NT5M: variants seen among roughly 807,000 people sequenced by gnomAD.
NT5M encodes the protein 5'(3')-deoxyribonucleotidase, mitochondrial.
In NT5M, 22 loss-of-function variants were observed where a neutral mutation model predicts 22.2. That is an observed-to-expected ratio of 0.99 (90% CI 0.71 to 1.41). The LOEUF (loss-of-function observed/expected upper bound fraction) is 1.41. Ranked by LOEUF, NT5M falls within the 40% of genes most tolerant of loss-of-function variation. The pLI, the probability that NT5M is intolerant of heterozygous loss-of-function variation, is 0.00. For missense variants in NT5M, 322 were observed against 314.8 expected (o/e 1.02, Z -0.17); for synonymous variants, 167 against 133.0 (o/e 1.26, Z -1.76).
intron 2 of NT5M, among the ~76,000 whole-genome samples, chr17:17,315,968 A>G (rs1042972876): frequency 3.3e-5 from 5 of 151,104 alleles, no homozygotes; most frequent in Admixed American, 2.0e-4. Context: ...TGTTAGCCAG[A>G]ATGGTCTCGA....
In NT5M at chr17:17,345,084, G is replaced by C. The variant is rs1044374840; in HGVS notation, c.544+176G>C. The C allele has an allele frequency of 1.7e-4, 109 of 651,798 alleles. No homozygotes were observed. The Middle Eastern group carries it at 3.3e-3, about 20-fold the overall frequency. The allele number at this position is 651,798 out of a possible 1,614,324, so 40.4% of individuals were successfully genotyped here. The stretch of plus-strand genomic sequence containing the variant: ...CCCCCTCTGTATGGGCTGTGGCCTG[G>C]TGCTCCTGGGAGCTGGGAGGAGTGG... On this transcript the variant is annotated intron_variant, in intron 4 of 4. Coordinates refer to ENST00000389022, the MANE Select transcript of NT5M (RefSeq NM_020201.4).
intron 3 of NT5M, among the ~76,000 whole-genome samples, chr17:17,339,877 C>T (rs1204072701): frequency 6.6e-6 from 1 of 152,102 alleles, no homozygotes; most frequent in Non-Finnish European, 1.5e-5. Context: ...ATTCAATTTG[C>T]TAATCTTTTG....
At chr17:17,321,012 C>T (rs773804747) in intron 2 of NT5M, among the ~76,000 whole-genome samples, 1 of 150,824 alleles carries the variant, frequency 6.6e-6, no homozygotes, top group Non-Finnish European at 1.5e-5. Context: ...GGAGTGGGGT[C>T]GGTAGGTGGA....
At chr17:17,320,315 A>G (rs2049124396) in intron 2 of NT5M, among the ~76,000 whole-genome samples, 1 of 152,264 alleles carries the variant, frequency 6.6e-6, no homozygotes, top group South Asian at 2.1e-4. Flanking sequence ...TTGAAGAGTC[A>G]GTGGAGGTGG....
chr17:17,344,937 C>T (rs749553416), intron 4 of NT5M, 29 bp downstream of exon 4: 54 of 1,613,408 alleles, frequency 3.3e-5, no homozygotes, highest in African/African-American at 1.9e-4. Flanking sequence ...GTGAGGAGCA[C>T]GTGGGGAGGG....
chr17:17,330,742 C>CTTTTTTTTTTTT (rs58633073), intron 3 of NT5M, among the ~76,000 whole-genome samples: 2 of 118,722 alleles, frequency 1.7e-5, no homozygotes, highest in African/African-American at 3.3e-5. Flanking sequence ...TTCTTTCTTT[C>CTTTTTTTTTTTT]TTTTTTTTTT....
chr17:17,315,443 G>T (rs1214266565), intron 2 of NT5M, among the ~76,000 whole-genome samples: 1 of 152,182 alleles, frequency 6.6e-6, no homozygotes, highest in Non-Finnish European at 1.5e-5. Context: ...TAAACAAGGG[G>T]CTGTGCTGCA....
intron 3 of NT5M, among the ~76,000 whole-genome samples, chr17:17,334,792 C>G (rs781232715): frequency 6.6e-6 from 1 of 152,114 alleles, no homozygotes; most frequent in Non-Finnish European, 1.5e-5. Flanking sequence ...TTTATAGTAA[C>G]TTTTGAAAGC....
In NT5M at chr17:17,303,680, G is replaced by C; in HGVS notation, c.130G>C (p.Gly44Arg). Reference sequence around the variant, plus strand: ...CCTACGGGTGCTGGTGGACATGGACGGCGTGCTGGCTGACTTCGAGGGCGG... The same window carrying C: ...CCTACGGGTGCTGGTGGACATGGACCGCGTGCTGGCTGACTTCGAGGGCGG... Reference protein sequence around the residue: ...RALRVLVDMDGVLADFEGGFL... With the variant: ...RALRVLVDMDRVLADFEGGFL... The change falls in exon 1 of 5, where the codon GGC becomes CGC. Residue 44 changes from glycine (G) to arginine (R), a missense_variant. Physicochemically the swap from Gly to Arg is moderately radical, Grantham distance 125 (BLOSUM62 -2). Coordinates refer to ENST00000389022, the MANE Select transcript of NT5M (RefSeq NM_020201.4). The C allele has an allele frequency of 6.3e-7, 1 of 1,580,020 alleles. No individual in the cohort carries two copies. The highest frequency in any genetic ancestry group is 1.4e-5 in the African/African-American group (1 of 71,442).
At chr17:17,330,366 G>A (rs11869507) in intron 3 of NT5M, among the ~76,000 whole-genome samples, 2 of 146,044 alleles carry the variant, frequency 1.4e-5, no homozygotes, top group East Asian at 2.0e-4. Flanking sequence ...AAATAAAAAC[G>A]TAAAAACGTA....
chr17:17,328,208 G>A (rs2145392438), intron 3 of NT5M, among the ~76,000 whole-genome samples: 1 of 152,268 alleles, frequency 6.6e-6, no homozygotes, highest in East Asian at 1.9e-4. Flanking sequence ...AACACATGAA[G>A]ACAGGAAAGT....
At chr17:17,309,140 T>C (rs74451166) in intron 2 of NT5M, among the ~76,000 whole-genome samples, 5 of 151,672 alleles carry the variant, frequency 3.3e-5, no homozygotes, top group African/African-American at 1.2e-4. Context: ...TTTTTTTTTT[T>C]TGAGACAGGG....
At chr17:17,346,483 C>CGGA in intron 4 of NT5M, among the ~76,000 whole-genome samples, 1 of 152,138 alleles carries the variant, frequency 6.6e-6, no homozygotes, top group South Asian at 2.1e-4. Flanking sequence ...TGGCAGGGCA[C>CGGA]GGAGAGGGAA....
chr17:17,332,303 G>A (rs2049405199), intron 3 of NT5M, among the ~76,000 whole-genome samples: 1 of 152,148 alleles, frequency 6.6e-6, no homozygotes. Context: ...AGGAAGGGCA[G>A]GGAGGTGGGG....
At chr17:17,323,328 G>C (rs1597774317) in intron 3 of NT5M, 83 bp downstream of exon 3, 1 of 1,161,148 alleles carries the variant, frequency 8.6e-7, no homozygotes, top group Non-Finnish European at 1.3e-6. Context: ...CTGTGGAAAG[G>C]GGATGGACCC....
At chr17:17,328,260 A>G (rs147716526) in intron 3 of NT5M, among the ~76,000 whole-genome samples, 3 of 152,276 alleles carry the variant, frequency 2.0e-5, no homozygotes, top group African/African-American at 7.2e-5. Flanking sequence ...TTTGTTGGCC[A>G]GTGGCTACAG....
intron 3 of NT5M, among the ~76,000 whole-genome samples, chr17:17,336,076 C>T (rs2145416392): frequency 6.9e-6 from 1 of 145,896 alleles, no homozygotes; most frequent in Admixed American, 7.1e-5. Flanking sequence ...GATCTTAGCT[C>T]ACTGCAAACT....
chr17:17,326,344 G>A (rs572685901), intron 3 of NT5M, among the ~76,000 whole-genome samples: 3 of 152,202 alleles, frequency 2.0e-5, no homozygotes, highest in East Asian at 1.9e-4. Flanking sequence ...TGTGCCCACC[G>A]CCAGTGTGTT....
At chr17:17,330,269 C>G (rs1440177812) in intron 3 of NT5M, among the ~76,000 whole-genome samples, 1 of 146,044 alleles carries the variant, frequency 6.8e-6, no homozygotes, top group Non-Finnish European at 1.5e-5. Flanking sequence ...CACTGCACTC[C>G]AGCCTGAGTG....
Sources: allele counts gnomAD v4.1 joint callset (sites outside exome capture counted in the v4.1 genomes callset), GRCh38; gene constraint gnomAD v4.1.1; transcripts MANE v1.5; gene names NCBI Gene and HGNC (gene_info 2026-07-23, HGNC 2026-07-21).